FBXO42: variants seen among roughly 807,000 people sequenced by gnomAD.
The protein encoded by FBXO42 is F-box only protein 42.
Under a neutral mutation model 71.7 loss-of-function variants are expected in FBXO42, and 12 were observed. The observed-to-expected ratio is 0.17, with a 90% CI of 0.11 to 0.27. FBXO42 has a LOEUF of 0.27. Ranked by LOEUF, FBXO42 falls within the 10% of genes least tolerant of loss-of-function variation. FBXO42 has a pLI of 1.00. For synonymous variants in FBXO42, 325 were observed against 327.5 expected, an observed-to-expected ratio of 0.99 and a Z score of 0.08; for missense variants, 707 against 911.9, an observed-to-expected ratio of 0.78 and a Z score of 2.89.
At chr1:16,303,521 G>A (rs1200309638) in intron 3 of FBXO42, among the ~76,000 whole-genome samples, 2 of 151,980 alleles carry the variant, frequency 1.3e-5, no homozygotes, top group East Asian at 3.9e-4. Flanking sequence ...GTTATTAATG[G>A]TCTTTAGTCC....
intron 1 of FBXO42, among the ~76,000 whole-genome samples, chr1:16,336,117 T>C (rs1052644889): frequency 6.6e-6 from 1 of 151,592 alleles, no homozygotes; most frequent in South Asian, 2.1e-4. Flanking sequence ...TTTCTGTTTT[T>C]AGTAGAGATG....
intron 4 of FBXO42, among the ~76,000 whole-genome samples, chr1:16,278,006 T>C (rs1383014636): frequency 1.2e-4 from 18 of 150,994 alleles, no homozygotes; most frequent in African/African-American, 4.4e-4. Context: ...CGTGCCACTG[T>C]ACTCCAGCCT....
chr1:16,328,840 A>C (rs75291539), intron 1 of FBXO42, among the ~76,000 whole-genome samples: 39 of 152,222 alleles, frequency 2.6e-4, no homozygotes, highest in South Asian at 1.7e-3. Flanking sequence ...CCACAAAGTA[A>C]GGAAGTGCCC....
chr1:16,326,128 T>C (rs2082448523), intron 1 of FBXO42, among the ~76,000 whole-genome samples: 2 of 150,846 alleles, frequency 1.3e-5, no homozygotes, highest in Admixed American at 6.6e-5. Flanking sequence ...CGATCTCGGC[T>C]CACTGCAACC....
chr1:16,352,424 C>G lies in FBXO42; in HGVS notation c.-187G>C. On this transcript the variant is annotated 5_prime_UTR_variant, in exon 1 of 10. Coordinates refer to ENST00000375592, the MANE Select transcript of FBXO42 (RefSeq NM_018994.3). ...CGCCCGGAGCCGCCATCTTCCTCCA[C>G]TCAAACGCCGCCGCCGCCGCAGCTG... 4 of 399,126 alleles carry G rather than the reference C, an allele frequency of 1.0e-5. No individual in the cohort carries two copies. Among genetic ancestry groups the G allele is most frequent in the Non-Finnish European group, 1.8e-5 (4 of 226,746 alleles). The allele number at this position is 399,126 out of a possible 1,614,324, so 24.7% of individuals were successfully genotyped here. A position where few individuals can be genotyped will look rare whatever the true frequency, so the allele number is the denominator to read the frequency against.
chr1:16,338,842 G>A (rs1297859104), intron 1 of FBXO42, among the ~76,000 whole-genome samples: 4 of 92,418 alleles, frequency 4.3e-5, no homozygotes, highest in East Asian at 3.1e-4. Flanking sequence ...ACGGTGTTTC[G>A]CCCTTTTCCC....
Position 16,329,413 on chromosome 1 carries a change from G to A in FBXO42, c.-17-13978C>T, listed in dbSNP as rs574409852. Among the ~76,000 whole-genome samples, 8 of 151,524 alleles carry A rather than the reference G, an allele frequency of 5.3e-5. No homozygotes were observed. In the South Asian group the frequency reaches 1.2e-3, roughly 24 times the overall value. On this transcript the variant is annotated intron_variant, in intron 1 of 9. Transcript: ENST00000375592. ...AGCCTGGGCAACAGGGTGAAACCCC[G>A]TTTCTACTAAAATACAAAAAATTAG...
Position 16,252,088 on chromosome 1 carries a change from G to A in FBXO42, c.1038+200C>T, listed in dbSNP as rs919273719. On this transcript the variant is annotated intron_variant, in intron 9 of 9. Coordinates refer to ENST00000375592, the MANE Select transcript of FBXO42 (RefSeq NM_018994.3). This position sits in a 1 kb window ranked among gnomAD's most constrained non-coding sequence, Gnocchi z 4.4. ...CAGACAAACAGATGCTTAAAGTTGG[G>A]ACTTACTGAATGAGTAGGGCCCCTG... 6.6e-6 allele frequency among the ~76,000 whole-genome samples: 1 copy of A among 152,174 alleles called. No individual in the cohort carries two copies. The highest frequency in any genetic ancestry group is 2.4e-5 in the African/African-American group (1 of 41,448).
chr1:16,270,751 TACACACACACACACACACACACAC>T (rs58610558), intron 4 of FBXO42, among the ~76,000 whole-genome samples: 1 of 111,000 alleles, frequency 9.0e-6, no homozygotes, highest in South Asian at 3.1e-4. Context: ...TACCATGAGA[TACACACACACACACACACACACAC>T]ACACACACAC....
chr1:16,292,109 T>C (rs193222188), intron 4 of FBXO42, among the ~76,000 whole-genome samples: 10 of 152,346 alleles, frequency 6.6e-5, no homozygotes, highest in African/African-American at 2.4e-4. Flanking sequence ...TGTTAGAAAA[T>C]TACTTTAAAC....
At chr1:16,273,478 T>G (rs2081866484) in intron 4 of FBXO42, among the ~76,000 whole-genome samples, 1 of 151,682 alleles carries the variant, frequency 6.6e-6, no homozygotes, top group Non-Finnish European at 1.5e-5. Context: ...AGTTGACAAG[T>G]AGGAAATGAG....
At chr1:16,300,258 A>G (rs2082177257) in intron 3 of FBXO42, among the ~76,000 whole-genome samples, 1 of 152,128 alleles carries the variant, frequency 6.6e-6, no homozygotes. Flanking sequence ...GTCTATTCCA[A>G]CTGGTAAATC....
At position 16,301,683 on chromosome 1, in the gene FBXO42, ACAAC is replaced by A. The variant is rs140764898; in HGVS notation, c.367+4116_367+4119del. Among the ~76,000 whole-genome samples the A allele has an allele frequency of 2.9e-4, 40 of 138,798 alleles. 1 individual carries two copies. The highest frequency in any genetic ancestry group is 3.5e-3 in the Middle Eastern group (1 of 286). The allele number at this position is 138,798 out of a possible 152,430, so 91.1% of individuals were successfully genotyped here. ...GAGACCCCATCTCAAAAAAAAAAAA[ACAAC>A]AAAAAAAAAAGAAACGGTACAAGAA... On this transcript the variant is annotated intron_variant, in intron 3 of 9. Transcript: ENST00000375592.
intron 1 of FBXO42, among the ~76,000 whole-genome samples, chr1:16,337,658 G>A (rs1238209498): frequency 2.0e-5 from 3 of 151,598 alleles, no homozygotes; most frequent in Non-Finnish European, 2.9e-5. Context: ...CAAGGTGGGC[G>A]GATCACCTGA....
intron 1 of FBXO42, among the ~76,000 whole-genome samples, chr1:16,346,127 G>A (rs772270574): frequency 5.3e-4 from 80 of 152,274 alleles, no homozygotes; most frequent in Non-Finnish European, 6.5e-4. Flanking sequence ...AAGTAGCAAG[G>A]AAACTTATTT....
rs972571930 is a variant in FBXO42, at chr1:16,317,985, C to T, written c.-17-2550G>A. ...GATTACAATTATATCAAGTTCAAAA[C>T]GAGGCAAAATTTATGCTGTTACAAG... is the stretch of plus-strand genomic sequence containing the variant. On this transcript the variant is annotated intron_variant, in intron 1 of 9. Transcript: ENST00000375592. Among the ~76,000 whole-genome samples the T allele has an allele frequency of 3.8e-4, 57 of 151,562 alleles. 2 individuals are homozygous for T. Among genetic ancestry groups the T allele is most frequent in the Admixed American group, 3.4e-3 (51 of 15,178 alleles).
chr1:16,301,382 G>C (rs1026374646), intron 3 of FBXO42, among the ~76,000 whole-genome samples: 2 of 152,098 alleles, frequency 1.3e-5, no homozygotes. Context: ...GTACAAGAAG[G>C]CTGGGTGCGG....
intron 4 of FBXO42, among the ~76,000 whole-genome samples, chr1:16,266,317 T>A (rs1317686325): frequency 6.7e-6 from 1 of 150,020 alleles, no homozygotes; most frequent in East Asian, 1.9e-4. Context: ...AAAAGAGCCA[T>A]GCTAAAATAA....
chr1:16,312,798 CTTTT>C (rs34574831), intron 2 of FBXO42, among the ~76,000 whole-genome samples: 2 of 142,194 alleles, frequency 1.4e-5, no homozygotes, highest in African/African-American at 5.2e-5. Flanking sequence ...TTTTGTTTTG[CTTTT>C]TTTTTTTTTT....
Sources: allele counts gnomAD v4.1 joint callset (sites outside exome capture counted in the v4.1 genomes callset), GRCh38; gene constraint gnomAD v4.1.1; non-coding constraint Gnocchi (gnomAD v3.1); transcripts MANE v1.5; gene names NCBI Gene and HGNC (gene_info 2026-07-23, HGNC 2026-07-21).